Variants in KLHL32 observed in about 807,000 individuals in gnomAD.
The protein encoded by KLHL32 is kelch like family member 32, also known as kelch-like protein 32.
A neutral mutation model predicts 64.8 loss-of-function variants in KLHL32; 35 were observed. That is an observed-to-expected ratio of 0.54 (90% CI 0.41 to 0.72). KLHL32 has a LOEUF of 0.72. KLHL32 is among the 30% of genes least tolerant of loss of function. The pLI is 0.00. For synonymous variants in KLHL32, 259 were observed against 281.0 expected (o/e 0.92, Z 0.78); for missense variants, 589 against 768.5 (o/e 0.77, Z 2.76).
chr6:96,920,121 C>T (rs1389582724), upstream of KLHL32, among the ~76,000 whole-genome samples: 1 of 152,158 alleles, frequency 6.6e-6, no homozygotes, highest in Non-Finnish European at 1.5e-5. Context: ...GGATAGGCTT[C>T]CCTGGGCTGG....
intron 6 of KLHL32, among the ~76,000 whole-genome samples, chr6:97,086,419 A>G (rs1582978547): frequency 6.6e-6 from 1 of 152,174 alleles, no homozygotes; most frequent in East Asian, 1.9e-4. Context: ...ACCAGAGGGA[A>G]TTAAAGAGCT....
intron 1 of KLHL32, among the ~76,000 whole-genome samples, chr6:96,926,964 A>C (rs1186551263): frequency 2.0e-5 from 3 of 152,244 alleles, no homozygotes; most frequent in Non-Finnish European, 2.9e-5. Flanking sequence ...TTCTCTAACA[A>C]AATACTGATG....
chr6:96,978,406 G>T (rs1406710042), intron 3 of KLHL32, among the ~76,000 whole-genome samples: 1 of 152,098 alleles, frequency 6.6e-6, no homozygotes, highest in African/African-American at 2.4e-5. Flanking sequence ...TTGGTTTTCT[G>T]TTCCCATGTT....
At chr6:97,006,715 G>A (rs1174937299) in intron 3 of KLHL32, among the ~76,000 whole-genome samples, 1 of 152,070 alleles carries the variant, frequency 6.6e-6, no homozygotes, top group African/African-American at 2.4e-5. Context: ...CCATTTGCTT[G>A]TCTGAAAAGG....
chr6:96,900,032 C>T, the KLHL32 span, among the ~76,000 whole-genome samples: 1 of 152,098 alleles, frequency 6.6e-6, no homozygotes, highest in Non-Finnish European at 1.5e-5. Flanking sequence ...ACAGTAGGTA[C>T]TAAACAATTA....
At chr6:96,996,870 C>A (rs1367159553) in intron 3 of KLHL32, among the ~76,000 whole-genome samples, 1 of 151,902 alleles carries the variant, frequency 6.6e-6, no homozygotes. Flanking sequence ...ACAGGAAGCC[C>A]AAATTTTAAT....
chr6:97,096,827 G>A (rs1267307201), intron 6 of KLHL32, among the ~76,000 whole-genome samples: 1 of 152,212 alleles, frequency 6.6e-6, no homozygotes, highest in African/African-American at 2.4e-5. Flanking sequence ...ACTGAAGTAA[G>A]CAGAGCAGTG....
intron 10 of KLHL32, among the ~76,000 whole-genome samples, chr6:97,133,986 A>T (rs1253176204): frequency 6.6e-6 from 1 of 152,118 alleles, no homozygotes; most frequent in Non-Finnish European, 1.5e-5. Context: ...AATACAATGC[A>T]ATTAAGTTAG....
chr6:97,024,944 A>G (rs1289491494), intron 3 of KLHL32: 3 of 955,614 alleles, frequency 3.1e-6, no homozygotes, highest in Non-Finnish European at 2.5e-6. Flanking sequence ...TATAACTTTT[A>G]TGCTGTTTTA....
chr6:96,898,234 T>A, the KLHL32 span, among the ~76,000 whole-genome samples: 1 of 152,152 alleles, frequency 6.6e-6, no homozygotes, highest in Non-Finnish European at 1.5e-5. Flanking sequence ...GAGCTGAAAA[T>A]CAAAGTCGTA....
At chr6:96,932,145 A>G (rs1326081929) in intron 1 of KLHL32, among the ~76,000 whole-genome samples, 1 of 151,834 alleles carries the variant, frequency 6.6e-6, no homozygotes, top group African/African-American at 2.4e-5. Context: ...CTTTGGCTGC[A>G]TAAAGATTCA....
intron 3 of KLHL32, among the ~76,000 whole-genome samples, chr6:97,019,394 G>T (rs1203525075): frequency 6.6e-6 from 1 of 152,230 alleles, no homozygotes. Context: ...AGCCTCAGTG[G>T]ACTCCACAGG....
intron 2 of KLHL32, among the ~76,000 whole-genome samples, chr6:96,972,011 C>T (rs1195552131): frequency 2.6e-5 from 4 of 152,016 alleles, no homozygotes; most frequent in African/African-American, 9.7e-5. Flanking sequence ...GCCACCACAC[C>T]TGGCTAATTT....
At chr6:97,134,757 C>T (rs1799806842) in intron 10 of KLHL32, among the ~76,000 whole-genome samples, 1 of 152,104 alleles carries the variant, frequency 6.6e-6, no homozygotes, top group African/African-American at 2.4e-5. Flanking sequence ...CTGTACGTAT[C>T]AAGTTTAGGA....
chr6:97,061,249 G>A (rs1788840342), intron 4 of KLHL32, among the ~76,000 whole-genome samples: 1 of 152,144 alleles, frequency 6.6e-6, no homozygotes, highest in African/African-American at 2.4e-5. Context: ...CTCTACAGGT[G>A]AGCTCCACCC....
intron 4 of KLHL32, among the ~76,000 whole-genome samples, chr6:97,056,096 C>CTTTTTTTTTTTTTTTTTTTT (rs1193971196): frequency 8.1e-6 from 1 of 123,806 alleles, no homozygotes; most frequent in East Asian, 2.4e-4. Flanking sequence ...CTTTTTTTTT[C>CTTTTTTTTTTTTTTTTTTTT]TTTTTTTTTC....
Position 96,964,584 on chromosome 6 carries a change from C to T in KLHL32, c.-65-2412C>T, listed in dbSNP as rs553813042. ...AGGAGAATGGCGTGAACCCGGGAGG[C>T]GGAGCTTGCAGTGAGCCGAGATCGC... is the stretch of plus-strand genomic sequence containing the variant. On this transcript the variant is annotated intron_variant, in intron 1 of 10. Transcript: ENST00000369261. 3.3e-5 allele frequency among the ~76,000 whole-genome samples: 5 copies of T among 152,246 alleles called. No individual in the cohort carries two copies. In the South Asian group the frequency reaches 6.2e-4, roughly 19 times the overall value.
chr6:96,994,686 C>T, intron 3 of KLHL32: 1 of 914,904 alleles, frequency 1.1e-6, no homozygotes, highest in Non-Finnish European at 1.3e-6. Context: ...CTATGAGTTC[C>T]TGTGATCATC....
intron 7 of KLHL32, among the ~76,000 whole-genome samples, chr6:97,115,720 G>A (rs559038934): frequency 6.6e-6 from 1 of 152,200 alleles, no homozygotes; most frequent in African/African-American, 2.4e-5. Context: ...CTATCAGGAA[G>A]AAAGCTGCAT....
Sources: gnomAD v4.1 joint callset for allele counts (sites outside exome capture counted in the v4.1 genomes callset) on GRCh38, gnomAD v4.1.1 for gene constraint, MANE v1.5 for transcripts, NCBI Gene and HGNC (gene_info 2026-07-23, HGNC 2026-07-21) for gene names.